GDAP2: variants seen among roughly 807,000 people sequenced by gnomAD.
GDAP2 encodes ganglioside induced differentiation associated protein 2.
GDAP2 carries 51 observed loss-of-function variants against 67.0 expected under a neutral mutation model. That is an observed-to-expected ratio of 0.76 (90% CI 0.61 to 0.96). The LOEUF (loss-of-function observed/expected upper bound fraction) is 0.96. GDAP2 is among the 40% of genes least tolerant of loss of function. The pLI, the probability that GDAP2 is intolerant of heterozygous loss-of-function variation, is 0.00. For missense variants in GDAP2, 547 were observed against 588.3 expected (o/e 0.93, Z 0.73); for synonymous variants, 203 against 207.3 (o/e 0.98, Z 0.18).
chr1:117,882,574 T>C (rs1648691636), intron 11 of GDAP2, among the ~76,000 whole-genome samples: 3 of 152,138 alleles, frequency 2.0e-5, no homozygotes, highest in Admixed American at 6.6e-5. Context: ...GTGAAGTTAA[T>C]TGGAAAGGAC....
chr1:117,925,227 G>C (rs1474036255), intron 1 of GDAP2, among the ~76,000 whole-genome samples: 1 of 152,086 alleles, frequency 6.6e-6, no homozygotes, highest in East Asian at 1.9e-4. Flanking sequence ...CTGAGGCGGG[G>C]AGATCACTTG....
intron 2 of GDAP2, among the ~76,000 whole-genome samples, chr1:117,919,497 A>T (rs1022000992): frequency 4.6e-5 from 7 of 152,234 alleles, no homozygotes; most frequent in African/African-American, 1.4e-4. Context: ...AAATGTTCAG[A>T]ATTGGCAAAT....
At chr1:117,884,199 C>G (rs113828102) in intron 10 of GDAP2, among the ~76,000 whole-genome samples, 2,074 of 152,158 alleles carry the variant, frequency 0.014, 37 homozygotes, top group South Asian at 0.094. Context: ...AGGACATTGA[C>G]AGCAGGTTTA....
chr1:117,883,334 G>C (rs983031622), intron 11 of GDAP2, 154 bp downstream of exon 11: 16 of 552,478 alleles, frequency 2.9e-5, no homozygotes, highest in Non-Finnish European at 5.1e-5. Flanking sequence ...CAGTTACGGA[G>C]GGTCTCCTAT....
At chr1:117,871,179 T>C (rs1017075254) in intron 13 of GDAP2, among the ~76,000 whole-genome samples, 1 of 152,220 alleles carries the variant, frequency 6.6e-6, no homozygotes, top group Non-Finnish European at 1.5e-5. Context: ...CTTCATGACA[T>C]GCCTGAGTGG....
intron 13 of GDAP2, among the ~76,000 whole-genome samples, chr1:117,873,474 T>C (rs1648356809): frequency 6.6e-6 from 1 of 152,122 alleles, no homozygotes; most frequent in Admixed American, 6.6e-5. Flanking sequence ...GAACCTTCTA[T>C]ATGCAAGGCA....
rs745449490 is a variant in GDAP2 at position 117,883,645 on chromosome 1, A to G, written c.1108-18T>C. On this transcript the variant is annotated intron_variant, in intron 10 of 13. Transcript: ENST00000369443. ...AAGAGAGCCTAAAAGATAAAAGGGG[A>G]ATAAAGGTGAAGATCATTTTGAACA... 6 of 1,575,250 alleles carry G rather than the reference A, an allele frequency of 3.8e-6. No individual in the cohort carries two copies. The highest frequency in any genetic ancestry group is 1.7e-5 in the Admixed American group (1 of 58,400).
At chr1:117,913,866 A>T (rs1649952111) in intron 3 of GDAP2, among the ~76,000 whole-genome samples, 1 of 152,150 alleles carries the variant, frequency 6.6e-6, no homozygotes, top group African/African-American at 2.4e-5. Context: ...ATGAGGGTAA[A>T]GCTTTCATGA....
chr1:117,890,315 G>C (rs530759398), intron 8 of GDAP2, among the ~76,000 whole-genome samples: 49 of 152,060 alleles, frequency 3.2e-4, no homozygotes, highest in African/African-American at 1.1e-3. Flanking sequence ...TTATTGAAAA[G>C]GCTATTTCTA....
chr1:117,869,598 G>A lies in GDAP2; in HGVS notation c.*971C>T, dbSNP rs1648185799. 1 of 152,630 alleles carries A rather than the reference G, an allele frequency of 6.6e-6. No homozygotes were observed. Among genetic ancestry groups the A allele is most frequent in the Admixed American group, 6.5e-5 (1 of 15,282 alleles). 9.5% of individuals were successfully genotyped at this position (152,630 alleles called of 1,614,324 possible). A position where few individuals can be genotyped will look rare whatever the true frequency, so the allele number is the denominator to read the frequency against. On this transcript the variant is annotated 3_prime_UTR_variant, in exon 14 of 14. Transcript: ENST00000369443. ...ATAACCAAGCTAAGGCACAAATAGA[G>A]CCTGAGTGGTAAAAGTGGTCTTTTG...
intron 12 of GDAP2, among the ~76,000 whole-genome samples, chr1:117,880,760 TG>T (rs1330261381): frequency 6.6e-6 from 1 of 152,216 alleles, no homozygotes; most frequent in Non-Finnish European, 1.5e-5. Flanking sequence ...TTCCCTTACC[TG>T]TATGGTGGGA....
intron 8 of GDAP2, among the ~76,000 whole-genome samples, chr1:117,894,401 T>C (rs1649196822): frequency 6.6e-6 from 1 of 152,198 alleles, no homozygotes; most frequent in East Asian, 1.9e-4. Context: ...TTTACATTGA[T>C]AGTGCAAAAG....
chr1:117,915,739 A>T (rs542362100), intron 3 of GDAP2, among the ~76,000 whole-genome samples: 1 of 152,224 alleles, frequency 6.6e-6, no homozygotes, highest in African/African-American at 2.4e-5. Flanking sequence ...CAAAGTGAAT[A>T]TAAGACTGAT....
intron 6 of GDAP2, among the ~76,000 whole-genome samples, chr1:117,900,302 T>C (rs1050789782): frequency 1.3e-5 from 2 of 152,078 alleles, no homozygotes; most frequent in Non-Finnish European, 2.9e-5. Flanking sequence ...TCACAGACAG[T>C]ATTCACAAAG....
intron 3 of GDAP2, among the ~76,000 whole-genome samples, chr1:117,917,408 A>C (rs1393640174): frequency 1.3e-5 from 2 of 152,214 alleles, no homozygotes; most frequent in Non-Finnish European, 2.9e-5. Context: ...AATAACTAAC[A>C]CCTAATAACT....
intron 6 of GDAP2, among the ~76,000 whole-genome samples, chr1:117,904,424 T>C (rs1222618206): frequency 1.3e-5 from 2 of 152,242 alleles, no homozygotes; most frequent in African/African-American, 4.8e-5. Context: ...TCATCTTTTA[T>C]GTTTGTGCAA....
At position 117,899,218 on chromosome 1, in the gene GDAP2, T is replaced by C; in HGVS notation, c.637-2A>G. 1 of 1,606,218 alleles carries C rather than the reference T, an allele frequency of 6.2e-7. No individual in the cohort carries two copies. On this transcript the variant is annotated splice_acceptor_variant, in intron 6 of 13. Transcript: ENST00000369443. LOFTEE classifies it high-confidence loss of function. ...AGGTAGCAGCTTTTGGTAAGTACCCTGTGTCAGAAAAGCAAGACATTCTGT... is the reference window on the plus strand; with the variant it reads ...AGGTAGCAGCTTTTGGTAAGTACCCCGTGTCAGAAAAGCAAGACATTCTGT...
intron 5 of GDAP2, among the ~76,000 whole-genome samples, chr1:117,908,401 T>C (rs1007843340): frequency 1.1e-4 from 17 of 152,188 alleles, no homozygotes; most frequent in African/African-American, 3.6e-4. Flanking sequence ...CTCAAGAACC[T>C]AACAGAGCAA....
chr1:117,886,211 G>A (rs189041159), intron 10 of GDAP2, among the ~76,000 whole-genome samples: 207 of 151,908 alleles, frequency 1.4e-3, no homozygotes, highest in Non-Finnish European at 2.4e-3. Flanking sequence ...CTACATTTCT[G>A]TTTTTTTCTC....
Sources: gnomAD v4.1 joint callset for allele counts (sites outside exome capture counted in the v4.1 genomes callset) on GRCh38, gnomAD v4.1.1 for gene constraint, MANE v1.5 for transcripts, NCBI Gene and HGNC (gene_info 2026-07-23, HGNC 2026-07-21) for gene names.